The following FCRL5 variants were observed in gnomAD, a reference collection of about 807,000 sequenced individuals.
FCRL5 encodes the protein Fc receptor like 5, also known as Fc receptor-like protein 5.
A neutral mutation model predicts 92.1 loss-of-function variants in FCRL5; 79 were observed. That is an observed-to-expected ratio of 0.86 (90% confidence interval 0.72 to 1.03). The LOEUF is 1.03. Ranked by LOEUF, FCRL5 falls within the 50% of genes least tolerant of loss-of-function variation. The pLI, the probability that FCRL5 is intolerant of heterozygous loss-of-function variation, is 0.00. For missense variants in FCRL5, 1,160 were observed against 1,181.1 expected, an observed-to-expected ratio of 0.98 and a Z score of 0.26; for synonymous variants, 466 against 469.3, an observed-to-expected ratio of 0.99 and a Z score of 0.09.
At chr1:157,539,747 A>C (rs1299590667) in intron 6 of FCRL5, among the ~76,000 whole-genome samples, 1 of 152,228 alleles carries the variant, frequency 6.6e-6, no homozygotes, top group Non-Finnish European at 1.5e-5. Flanking sequence ...ATATCTGATT[A>C]TTTCCCTGAC....
chr1:157,525,038 A>G (rs1057110082), intron 9 of FCRL5, among the ~76,000 whole-genome samples: 7 of 152,260 alleles, frequency 4.6e-5, no homozygotes, highest in Admixed American at 1.3e-4. Flanking sequence ...TTGAGCAAAA[A>G]TAAAAATTAA....
rs74440828 is a variant in FCRL5 at position 157,523,281 on chromosome 1, A to G, written c.2239+998T>C. ...TTTCTCCAGGATATATTCCAGGGGC[A>G]GGTACAACCTGCTTTTACTTTTGCA... On this transcript the variant is annotated intron_variant, in intron 10 of 16. Transcript: ENST00000361835. 1.9e-4 allele frequency among the ~76,000 whole-genome samples: 29 copies of G among 152,350 alleles called. No homozygotes were observed. The East Asian group carries it at 5.6e-3, about 29-fold the overall frequency.
rs141167380 is a variant in FCRL5 at position 157,547,740 on chromosome 1, C to G, written c.53-543G>C. 1.2e-4 allele frequency among the ~76,000 whole-genome samples: 19 copies of G among 152,270 alleles called. No individual in the cohort carries two copies. In the East Asian group the frequency reaches 3.7e-3, roughly 29 times the overall value. ...GAAGGGACAAGTCACTCACTGACAT[C>G]CAGAGGTGACCAGGACAAAGTTACA... On this transcript the variant is annotated intron_variant, in intron 2 of 16. Coordinates refer to ENST00000361835, the MANE Select transcript of FCRL5 (RefSeq NM_031281.3).
rs977898609 is a variant in FCRL5 at position 157,513,675 on chromosome 1, G to T, written c.*2000C>A. ...CGGGGTCCACCCACATTAGGGTGGA[G>T]TTTGTTCTGCCACTGTGCAGTTATC... On this transcript the variant is annotated 3_prime_UTR_variant, in exon 17 of 17. Transcript: ENST00000361835. The T allele has an allele frequency of 2.6e-5, 4 of 152,186 alleles. No individual in the cohort carries two copies. The highest frequency in any genetic ancestry group is 5.9e-5 in the Non-Finnish European group (4 of 68,038). 9.4% of individuals were successfully genotyped at this position (152,186 alleles called of 1,614,324 possible).
chr1:157,534,963 C>A (rs1399512399), intron 7 of FCRL5, 71 bp from the exon 8 acceptor site: 4 of 1,407,866 alleles, frequency 2.8e-6, no homozygotes, highest in Admixed American at 2.3e-5. Flanking sequence ...TTGGCCAGTG[C>A]AGATGCCCAG....
intron 15 of FCRL5, 95 bp downstream of exon 15, chr1:157,518,334 A>G: frequency 9.2e-7 from 1 of 1,088,786 alleles, no homozygotes; most frequent in South Asian, 1.4e-5. Flanking sequence ...GGGCGGCTCT[A>G]TGCCTGTCTG....
In FCRL5 at chr1:157,514,246, T is replaced by C. The variant is rs143911528; in HGVS notation, c.*1429A>G. 2 of 152,362 alleles carry C rather than the reference T, an allele frequency of 1.3e-5. No homozygotes were observed. Among genetic ancestry groups the C allele is most frequent in the East Asian group, 3.9e-4 (2 of 5,166 alleles). 9.4% of individuals were successfully genotyped at this position (152,362 alleles called of 1,614,324 possible). The stretch of plus-strand genomic sequence containing the variant: ...AAAGATCAAGATAAGATGTGATGGA[T>C]ATCATAAAAGCGGAACAGAACATCC... On this transcript the variant is annotated 3_prime_UTR_variant, in exon 17 of 17. Coordinates refer to ENST00000361835, the MANE Select transcript of FCRL5 (RefSeq NM_031281.3).
In FCRL5 at chr1:157,550,990, G is replaced by A. The variant is rs566566123; in HGVS notation, c.31+1342C>T. On this transcript the variant is annotated intron_variant, in intron 1 of 16. Transcript: ENST00000361835. ...ATTGGAGACTTATCCAAACTTAAGT[G>A]TTTTACTGAGAACAACAAATTATTC... is the stretch of plus-strand genomic sequence containing the variant. 2.0e-5 allele frequency among the ~76,000 whole-genome samples: 3 copies of A among 152,318 alleles called. No homozygotes were observed. In the South Asian group the frequency reaches 6.2e-4, roughly 32 times the overall value.
Position 157,518,474 on chromosome 1 carries a change from C to T in FCRL5, c.2767G>A (p.Val923Ile), listed in dbSNP as rs769911715. The T allele has an allele frequency of 1.9e-6, 3 of 1,614,142 alleles. No individual in the cohort carries two copies. The highest frequency in any genetic ancestry group is 2.7e-5 in the African/African-American group (2 of 75,044). The change falls in exon 15 of 17, where the codon GTT becomes ATT. Residue 923 changes from valine (V) to isoleucine (I), a missense_variant. Physicochemically the swap from Val to Ile is conservative, Grantham distance 29. Transcript: ENST00000361835. ...TNANPRGENVVYSEVRIIQEK... is the reference protein window; with the variant it reads ...TNANPRGENVIYSEVRIIQEK... ...TGGATGATCCGTACTTCTGAGTAAA[C>T]CACATTTTCTCCTCTAGGATTTGCT...
chr1:157,547,134 C>T lies in FCRL5; in HGVS notation c.116G>A (p.Arg39Lys), dbSNP rs1421661212. The T allele has an allele frequency of 1.9e-6, 3 of 1,613,984 alleles. No homozygotes were observed. Among genetic ancestry groups the T allele is most frequent in the Non-Finnish European group, 2.5e-6 (3 of 1,180,024 alleles). The change falls in exon 3 of 17, where the codon AGA becomes AAA. Residue 39 changes from arginine to lysine, a missense_variant. Coordinates refer to ENST00000361835, the MANE Select transcript of FCRL5 (RefSeq NM_031281.3). ...AAATCCCTTGCAAGTGAGGGTCACT[C>T]TCTCTCCTTGGAAGACTGTGGTCCA... ...PPWTTVFQGE[R>K]VTLTCKGFRF...
At chr1:157,530,626 C>A (rs1650655459) in intron 8 of FCRL5, among the ~76,000 whole-genome samples, 1 of 152,216 alleles carries the variant, frequency 6.6e-6, no homozygotes, top group South Asian at 2.1e-4. Flanking sequence ...TCCCAAAGTG[C>A]TGGGATTACA....
chr1:157,552,220 G>T, intron 1 of FCRL5, 112 bp downstream of exon 1: 2 of 1,037,090 alleles, frequency 1.9e-6, no homozygotes, highest in Non-Finnish European at 3.0e-6. Flanking sequence ...GTCTCCTAAT[G>T]TAGGAGAGAG....
In FCRL5 at chr1:157,535,945, T is replaced by TTTTTTTTTG. The variant is rs1373967920; in HGVS notation, c.1403-1054_1403-1053insCAAAAAAAA. On this transcript the variant is annotated intron_variant, in intron 7 of 16. Transcript: ENST00000361835. ...CTAAATTCACTGGATGTGACTCAGT[T>TTTTTTTTTG]TTTTTTTTTTTTTTGAGATGGAGTC... is the stretch of plus-strand genomic sequence containing the variant. Among the ~76,000 whole-genome samples, 48 of 134,960 alleles carry TTTTTTTTTG rather than the reference T, an allele frequency of 3.6e-4. 6 individuals carry two copies. The highest frequency in any genetic ancestry group is 1.3e-3 in the African/African-American group (48 of 37,752). 88.5% of individuals were successfully genotyped at this position (134,960 alleles called of 152,430 possible).
intron 3 of FCRL5, chr1:157,546,388 C>A (rs1248808832): frequency 2.8e-6 from 1 of 351,078 alleles, no homozygotes; most frequent in Non-Finnish European, 5.7e-6. Flanking sequence ...ACAGAAGTTG[C>A]AGTGAGCCGA....
rs1651865834 is a variant in FCRL5 at position 157,552,465 on chromosome 1, A to C, written c.-103T>G. The C allele has an allele frequency of 6.2e-5, 73 of 1,178,238 alleles. No individual in the cohort carries two copies. Among genetic ancestry groups the C allele is most frequent in the Non-Finnish European group, 8.4e-5 (66 of 785,056 alleles). 73.0% of individuals were successfully genotyped at this position (1,178,238 alleles called of 1,614,324 possible). A position where few individuals can be genotyped will look rare whatever the true frequency, so the allele number is the denominator to read the frequency against. ...AGTCAGGACACTGCACACCAGCTCC[A>C]AGGAGCACATCTGAGAAGCTGTGCT... On this transcript the variant is annotated 5_prime_UTR_variant, in exon 1 of 17. Coordinates refer to ENST00000361835, the MANE Select transcript of FCRL5 (RefSeq NM_031281.3).
chr1:157,520,447 C>T lies in FCRL5; in HGVS notation c.2616G>A (p.Trp872Ter). Residue 872 changes from tryptophan (W) to a stop codon, truncating the protein, a stop_gained, in exon 12 of 17, where the codon TGG (tryptophan) becomes TGA (stop). Coordinates refer to ENST00000361835, the MANE Select transcript of FCRL5 (RefSeq NM_031281.3). LOFTEE classifies it high-confidence loss of function. ...GTCACCCACCTGCTTTTCTCGAGAGCCAGCAGTAGAGCAGCAGTGCCCCCG... is the reference window on the plus strand; with the variant it reads ...GTCACCCACCTGCTTTTCTCGAGAGTCAGCAGTAGAGCAGCAGTGCCCCCG... The part of the protein sequence containing the change: ...LAAGALLLYC[W>*]LSRKAGRKPA... The T allele has an allele frequency of 6.4e-7, 1 of 1,573,992 alleles. No individual in the cohort carries two copies. The highest frequency in any genetic ancestry group is 8.6e-7 in the Non-Finnish European group (1 of 1,158,888).
In FCRL5 at chr1:157,521,094, T is replaced by C; in HGVS notation, c.2438A>G (p.His813Arg). 6.2e-7 allele frequency: 1 copy of C among 1,613,974 alleles called. No homozygotes were observed. The highest frequency in any genetic ancestry group is 8.5e-7 in the Non-Finnish European group (1 of 1,179,976). ...ASLNLSLTAEHSGNYSCEADN... is the reference protein window; with the variant it reads ...ASLNLSLTAERSGNYSCEADN... Reference sequence around the variant, plus strand: ...GGCCTCACAGGAGTAGTTTCCAGAGTGCTCTGCAGTCAGAGAGAGGTTTAA... The same window carrying C: ...GGCCTCACAGGAGTAGTTTCCAGAGCGCTCTGCAGTCAGAGAGAGGTTTAA... The change falls in exon 11 of 17, where the codon CAC (histidine) becomes CGC (arginine). Residue 813 changes from histidine to arginine, a missense_variant. His to Arg is a conservative substitution (Grantham distance 29, BLOSUM62 0). Coordinates refer to ENST00000361835, the MANE Select transcript of FCRL5 (RefSeq NM_031281.3).
At chr1:157,540,441 C>A (rs868378103) in intron 6 of FCRL5, among the ~76,000 whole-genome samples, 5 of 152,084 alleles carry the variant, frequency 3.3e-5, no homozygotes, top group Admixed American at 1.3e-4. Flanking sequence ...CCTGTGCTCA[C>A]CTGCCTCTGT....
At chr1:157,534,139 C>T in intron 8 of FCRL5, 1 of 342,318 alleles carries the variant, frequency 2.9e-6, no homozygotes, top group Non-Finnish European at 5.6e-6. Context: ...ATAAAAACTC[C>T]AGAAGTTTGA....
Sources: allele counts gnomAD v4.1 joint callset (sites outside exome capture counted in the v4.1 genomes callset), GRCh38; gene constraint gnomAD v4.1.1; transcripts MANE v1.5; gene names NCBI Gene and HGNC (gene_info 2026-07-23, HGNC 2026-07-21).